C1orf141: variants seen among roughly 807,000 people sequenced by gnomAD.
C1orf141 encodes the protein chromosome 1 open reading frame 141.
Under a neutral mutation model 23.2 loss-of-function variants are expected in C1orf141, and 19 were observed. The observed-to-expected ratio is 0.82, with a 90% confidence interval of 0.57 to 1.20. The LOEUF (loss-of-function observed/expected upper bound fraction) is 1.20, where lower values mean the gene tolerates loss of function less well. C1orf141 is among the 50% of genes most tolerant of loss of function. The pLI is 0.00. For synonymous variants in C1orf141, 153 were observed against 154.6 expected (o/e 0.99, Z 0.08); for missense variants, 469 against 455.1 (o/e 1.03, Z -0.28).
At chr1:67,129,399 A>G (rs894800912) in intron 2 of C1orf141, among the ~76,000 whole-genome samples, 1 of 152,096 alleles carries the variant, frequency 6.6e-6, no homozygotes, top group African/African-American at 2.4e-5. Flanking sequence ...CAGGAGTTTG[A>G]GGCTGCAGTG....
At chr1:67,095,781 C>G in intron 6 of C1orf141, 1 of 194,172 alleles carries the variant, frequency 5.2e-6, no homozygotes, top group Non-Finnish European at 1.0e-5. Flanking sequence ...GTGGCCCCAG[C>G]TTTGTTAAGA....
At chr1:67,110,849 T>C (rs1219581940) in intron 5 of C1orf141, among the ~76,000 whole-genome samples, 1 of 150,084 alleles carries the variant, frequency 6.7e-6, no homozygotes, top group South Asian at 2.1e-4. Context: ...TTATAAAATA[T>C]AGGAATATGC....
chr1:67,113,849 C>A (rs1050967875), intron 5 of C1orf141: 1 of 443,730 alleles, frequency 2.3e-6, no homozygotes, highest in African/African-American at 2.1e-5. Context: ...CTGAAAACAC[C>A]TTAAAAGGCT....
chr1:67,127,366 T>A, intron 2 of C1orf141, 109 bp from the exon 3 acceptor site: 1 of 625,784 alleles, frequency 1.6e-6, no homozygotes, highest in Non-Finnish European at 2.7e-6. Flanking sequence ...AGGTAAATAA[T>A]AGAATTGTTT....
At chr1:67,103,313 A>C in intron 5 of C1orf141, 1 of 1,495,068 alleles carries the variant, frequency 6.7e-7, no homozygotes, top group South Asian at 1.3e-5. Context: ...AAGTCTGTAG[A>C]ACCCAGTGAT....
At chr1:67,115,961 C>G (rs551902859) in intron 4 of C1orf141, among the ~76,000 whole-genome samples, 1 of 152,260 alleles carries the variant, frequency 6.6e-6, no homozygotes, top group South Asian at 2.1e-4. Context: ...TTTCTGACCT[C>G]TAAATGCTAG....
At chr1:67,111,962 G>A (rs1236858786) in intron 5 of C1orf141, among the ~76,000 whole-genome samples, 2 of 152,110 alleles carry the variant, frequency 1.3e-5, no homozygotes, top group Non-Finnish European at 2.9e-5. Context: ...TAATTCCTTT[G>A]AAAAGAGAAA....
At position 67,092,925 on chromosome 1, in the gene C1orf141, T is replaced by A; in HGVS notation, c.*80A>T. On this transcript the variant is annotated 3_prime_UTR_variant, in exon 8 of 8. Transcript: ENST00000684719. The stretch of plus-strand genomic sequence containing the variant: ...ATATGATCAATTAGAACATTACTAT[T>A]TGGATAAGAATTTCTTTTATAATTT... 4 of 1,118,742 alleles carry A rather than the reference T, an allele frequency of 3.6e-6. No homozygotes were observed. In the South Asian group the frequency reaches 4.8e-5, roughly 13 times the overall value. The allele number at this position is 1,118,742 out of a possible 1,614,324, so 69.3% of individuals were successfully genotyped here. A position where few individuals can be genotyped will look rare whatever the true frequency, so the allele number is the denominator to read the frequency against.
At chr1:67,096,386 C>A in intron 5 of C1orf141, 65 bp from the exon 6 acceptor site, 1 of 812,418 alleles carries the variant, frequency 1.2e-6, no homozygotes, top group East Asian at 2.6e-5. Context: ...AAATATCTTG[C>A]ACAAAATATT....
upstream of C1orf141, among the ~76,000 whole-genome samples, chr1:67,139,750 C>T (rs1357021464): frequency 6.6e-6 from 1 of 152,070 alleles, no homozygotes; most frequent in African/African-American, 2.4e-5. Context: ...GCTATGTTGC[C>T]TAGGCTAGTT....
chr1:67,101,268 G>A (rs185230510), intron 5 of C1orf141, among the ~76,000 whole-genome samples: 2 of 152,026 alleles, frequency 1.3e-5, no homozygotes, highest in African/African-American at 2.4e-5. Context: ...AAAGCAATAC[G>A]AGGAAGCCAG....
At chr1:67,101,304 G>A (rs1478429760) in intron 5 of C1orf141, among the ~76,000 whole-genome samples, 1 of 152,098 alleles carries the variant, frequency 6.6e-6, no homozygotes, top group African/African-American at 2.4e-5. Flanking sequence ...AGTTATGATC[G>A]TTACATTTCT....
intron 5 of C1orf141, among the ~76,000 whole-genome samples, chr1:67,105,749 G>A (rs181278597): frequency 5.9e-5 from 9 of 152,228 alleles, no homozygotes; most frequent in Admixed American, 4.6e-4. Context: ...TTGACACTTG[G>A]TATAACTGAC....
At chr1:67,111,301 T>A (rs1422100453) in intron 5 of C1orf141, among the ~76,000 whole-genome samples, 1 of 152,164 alleles carries the variant, frequency 6.6e-6, no homozygotes. Flanking sequence ...ATGTTTTTTA[T>A]GATGCTCTGT....
chr1:67,095,147 A>C, intron 7 of C1orf141, 88 bp downstream of exon 7: 1 of 751,822 alleles, frequency 1.3e-6, no homozygotes, highest in Non-Finnish European at 2.1e-6. Flanking sequence ...GGATTTATCA[A>C]AGATTCTGGT....
chr1:67,133,855 A>C (rs1308033963), intron 1 of C1orf141, among the ~76,000 whole-genome samples: 1 of 152,192 alleles, frequency 6.6e-6, no homozygotes, highest in Non-Finnish European at 1.5e-5. Context: ...AACTGTAAGA[A>C]AACAAATTTC....
At chr1:67,103,248 AG>A (rs1294480690) in intron 5 of C1orf141, 3 of 1,423,276 alleles carry the variant, frequency 2.1e-6, no homozygotes, top group Non-Finnish European at 2.8e-6. Flanking sequence ...CTGTAAATAA[AG>A]TAGAGTCTTT....
intron 5 of C1orf141, chr1:67,111,515 A>C: frequency 3.2e-6 from 2 of 624,644 alleles, no homozygotes; most frequent in Non-Finnish European, 5.0e-6. Flanking sequence ...AGCATATATA[A>C]AATTATTAGG....
chr1:67,114,116 C>A (rs978526840), intron 5 of C1orf141, among the ~76,000 whole-genome samples: 1 of 151,952 alleles, frequency 6.6e-6, no homozygotes, highest in African/African-American at 2.4e-5. Context: ...TCCCTTCCCC[C>A]ACACACAAAA....
Sources: gnomAD v4.1 joint callset for allele counts (sites outside exome capture counted in the v4.1 genomes callset) on GRCh38, gnomAD v4.1.1 for gene constraint, MANE v1.5 for transcripts, NCBI Gene and HGNC (gene_info 2026-07-23, HGNC 2026-07-21) for gene names.